Variants in DTNB observed in about 807,000 individuals in gnomAD.
The protein encoded by DTNB is DTN-B.
Under a neutral mutation model 90.7 loss-of-function variants are expected in DTNB, and 63 were observed. The ratio of observed to expected loss-of-function variants is 0.69; its 90% CI spans 0.57 to 0.86. The LOEUF (loss-of-function observed/expected upper bound fraction) is 0.86, where lower values mean the gene tolerates loss of function less well. DTNB is among the 40% of genes least tolerant of loss of function. The probability of loss-of-function intolerance (pLI) is 0.00; values close to 1 mark genes in which losing one functional copy is unlikely to be tolerated. For missense variants in DTNB, 744 were observed against 807.1 expected, an observed-to-expected ratio of 0.92 and a Z score of 0.95; for synonymous variants, 277 against 286.7, an observed-to-expected ratio of 0.97 and a Z score of 0.34.
intron 5 of DTNB, chr2:25,598,961 T>A (rs2065232241): frequency 6.6e-6 from 1 of 152,018 alleles, no homozygotes; most frequent in Admixed American, 6.6e-5. Flanking sequence ...TAAAAACTTT[T>A]AAGTAGAGAT....
intron 1 of DTNB, among the ~76,000 whole-genome samples, chr2:25,663,370 C>G (rs573855427): frequency 6.6e-6 from 1 of 152,276 alleles, no homozygotes; most frequent in South Asian, 2.1e-4. Flanking sequence ...CTGCAATAAA[C>G]ACAATGTGCA....
intron 2 of DTNB, among the ~76,000 whole-genome samples, chr2:25,651,281 A>G (rs1053374179): frequency 6.6e-6 from 1 of 152,242 alleles, no homozygotes; most frequent in African/African-American, 2.4e-5. Context: ...GAGGAAACAG[A>G]GGCCCAGAGA....
chr2:25,395,996 T>C (rs1012879080), intron 16 of DTNB, among the ~76,000 whole-genome samples: 7 of 152,114 alleles, frequency 4.6e-5, no homozygotes, highest in Non-Finnish European at 1.5e-5. Context: ...CAATTCACAA[T>C]TGCAAAAATA....
At chr2:25,644,658 C>T (rs2079053093) in intron 2 of DTNB, among the ~76,000 whole-genome samples, 1 of 152,086 alleles carries the variant, frequency 6.6e-6, no homozygotes, top group South Asian at 2.1e-4. Flanking sequence ...GAGGCTGAGA[C>T]AGGATAATGA....
chr2:25,646,495 T>G (rs967458001), intron 2 of DTNB, among the ~76,000 whole-genome samples: 1 of 151,876 alleles, frequency 6.6e-6, no homozygotes, highest in Non-Finnish European at 1.5e-5. Context: ...TACAAGAAAC[T>G]TATTACAACC....
chr2:25,427,088 G>C (rs991646310), intron 15 of DTNB, among the ~76,000 whole-genome samples: 1 of 151,914 alleles, frequency 6.6e-6, no homozygotes, highest in Non-Finnish European at 1.5e-5. Flanking sequence ...TGAGGCAGGA[G>C]AATCACTTGA....
intron 9 of DTNB, among the ~76,000 whole-genome samples, chr2:25,526,362 A>AAT (rs1273988960): frequency 9.8e-4 from 98 of 99,778 alleles, no homozygotes; most frequent in Non-Finnish European, 1.5e-3. Context: ...AATATATATA[A>AAT]ATATATATAT....
chr2:25,666,651 T>G (rs1440687987), intron 1 of DTNB, among the ~76,000 whole-genome samples: 1 of 152,192 alleles, frequency 6.6e-6, no homozygotes, highest in Non-Finnish European at 1.5e-5. Flanking sequence ...AAATATTTTT[T>G]AACAATTTTT....
At position 25,471,691 on chromosome 2, in the gene DTNB, C is replaced by T. The variant is rs528815449; in HGVS notation, c.1079+11105G>A. On this transcript the variant is annotated intron_variant, in intron 10 of 20. Coordinates refer to ENST00000406818, the MANE Select transcript of DTNB (RefSeq NM_021907.5). ...TGCTGGGATTACAGGCGTGAGCCAC[C>T]GCATCTGGCCTGCATCAAAAATCTT... is the stretch of plus-strand genomic sequence containing the variant. 1.1e-4 allele frequency among the ~76,000 whole-genome samples: 17 copies of T among 152,198 alleles called. No individual in the cohort carries two copies. In the South Asian group the frequency reaches 2.3e-3, roughly 20 times the overall value.
At position 25,382,687 on chromosome 2, in the gene DTNB, C is replaced by T. The variant is rs144261399; in HGVS notation, c.1879+1149G>A. Among the ~76,000 whole-genome samples the T allele has an allele frequency of 2.6e-4, 40 of 152,022 alleles. 1 individual carries two copies. In the East Asian group the frequency reaches 7.1e-3, roughly 27 times the overall value. On this transcript the variant is annotated intron_variant, in intron 19 of 20. Coordinates refer to ENST00000406818, the MANE Select transcript of DTNB (RefSeq NM_021907.5). ...GCGATTACAGGCATGCACCACCACA[C>T]CTGGCTTATTTTTGTATTTTTAGTA...
chr2:25,388,064 C>T, intron 17 of DTNB, 138 bp downstream of exon 17: 2 of 1,409,214 alleles, frequency 1.4e-6, no homozygotes, highest in Non-Finnish European at 9.5e-7. Flanking sequence ...CAGCACCTGA[C>T]TTATTTACAC....
chr2:25,590,857 C>T (rs543843344), intron 6 of DTNB, among the ~76,000 whole-genome samples: 9 of 152,358 alleles, frequency 5.9e-5, no homozygotes, highest in Middle Eastern at 6.8e-3. Context: ...CGGGGACCCA[C>T]GCCCTTCCAC....
chr2:25,639,445 G>T, intron 2 of DTNB: 1 of 171,654 alleles, frequency 5.8e-6, no homozygotes, highest in Non-Finnish European at 1.2e-5. Context: ...CTGCATTCCT[G>T]TCCCAGCCTG....
intron 6 of DTNB, among the ~76,000 whole-genome samples, chr2:25,585,057 CCT>C: frequency 6.6e-6 from 1 of 152,144 alleles, no homozygotes; most frequent in Non-Finnish European, 1.5e-5. Context: ...CTTTTTGTCC[CCT>C]ATCTTTTTAT....
intron 11 of DTNB, 30 bp downstream of exon 11, chr2:25,455,375 G>A (rs1247062286): frequency 1.9e-6 from 3 of 1,560,736 alleles, no homozygotes; most frequent in Admixed American, 1.9e-5. Flanking sequence ...ATCACCCGTG[G>A]CTACCCACTG....
intron 9 of DTNB, among the ~76,000 whole-genome samples, chr2:25,521,170 A>C (rs1014482058): frequency 2.0e-5 from 3 of 152,156 alleles, no homozygotes; most frequent in Non-Finnish European, 4.4e-5. Context: ...CATTCAGAAA[A>C]AAGAGTCTAA....
In DTNB at chr2:25,473,887, C is replaced by T. The variant is rs144470066; in HGVS notation, c.1079+8909G>A. ...TCAATCTGAACACGACAACATTGCA[C>T]TTGAGATCTTTTTCCCCAAACTTGC... On this transcript the variant is annotated intron_variant, in intron 10 of 20. Coordinates refer to ENST00000406818, the MANE Select transcript of DTNB (RefSeq NM_021907.5). 4.2e-3 allele frequency among the ~76,000 whole-genome samples: 639 copies of T among 152,352 alleles called. 4 individuals are homozygous for T. The highest frequency in any genetic ancestry group is 6.5e-3 in the Non-Finnish European group (440 of 68,036).
At chr2:25,458,929 G>C (rs1339579635) in intron 10 of DTNB, among the ~76,000 whole-genome samples, 2 of 152,108 alleles carry the variant, frequency 1.3e-5, no homozygotes. Context: ...ACAGGCATGA[G>C]CCACCATGCC....
chr2:25,408,538 C>CAA (rs11395783), intron 16 of DTNB, among the ~76,000 whole-genome samples: 893 of 32,126 alleles, frequency 0.028, 84 homozygotes, highest in African/African-American at 0.032. Flanking sequence ...GACTCCATCT[C>CAA]AAAAAAAAAA....
Sources: allele counts gnomAD v4.1 joint callset (sites outside exome capture counted in the v4.1 genomes callset), GRCh38; gene constraint gnomAD v4.1.1; transcripts MANE v1.5; gene names NCBI Gene and HGNC (gene_info 2026-07-23, HGNC 2026-07-21).